Variants in CLEC12A observed in about 807,000 individuals in gnomAD.
CLEC12A encodes C-type lectin domain family 12 member A.
Under a neutral mutation model 26.5 loss-of-function variants are expected in CLEC12A, and 22 were observed. That is an observed-to-expected ratio of 0.83 (90% confidence interval 0.59 to 1.19). The LOEUF is 1.19. Among genes scored for constraint, CLEC12A ranks in the 50% most tolerant of loss-of-function variants. The pLI, the probability that CLEC12A is intolerant of heterozygous loss-of-function variation, is 0.00. For missense variants in CLEC12A, 353 were observed against 315.6 expected (o/e 1.12, Z -0.90); for synonymous variants, 119 against 101.9 (o/e 1.17, Z -1.01).
chr12:9,986,058 A>G, downstream of CLEC12A: 1 of 445,394 alleles, frequency 2.2e-6, no homozygotes, highest in Admixed American at 2.4e-5. Flanking sequence ...TAGTTTGTGC[A>G]GCAGAGCATT....
chr12:9,998,952 A>G (rs1865119316), downstream of CLEC12A: 3 of 788,964 alleles, frequency 3.8e-6, no homozygotes, highest in South Asian at 3.4e-5. Flanking sequence ...TAAACTATAT[A>G]TATTATCAAT....
At chr12:9,990,082 T>C (rs147052400), downstream of CLEC12A, among the ~76,000 whole-genome samples, 62 of 152,150 alleles carry the variant, frequency 4.1e-4, no homozygotes, top group African/African-American at 1.4e-3. Context: ...TCATTGACAA[T>C]GCACCTAGTC....
At chr12:9,979,141 A>G in intron 2 of CLEC12A, 77 bp downstream of exon 2, 1 of 1,245,186 alleles carries the variant, frequency 8.0e-7, no homozygotes, top group Non-Finnish European at 1.2e-6. Context: ...TTATTCCTTC[A>G]GTGGAAGATT....
chr12:9,951,588 T>G (rs1863610225), intron 1 of CLEC12A: 1 of 528,678 alleles, frequency 1.9e-6, no homozygotes, highest in African/African-American at 1.9e-5. Flanking sequence ...ATTTGAGAAA[T>G]TCCGAAGGAA....
chr12:9,996,404 C>T (rs1435554479), downstream of CLEC12A, among the ~76,000 whole-genome samples: 1 of 152,184 alleles, frequency 6.6e-6, no homozygotes, highest in East Asian at 1.9e-4. Context: ...TCGAATTAAT[C>T]TCTATATAAT....
intron 4 of CLEC12A, 134 bp downstream of exon 4, chr12:9,980,867 C>T (rs1864531971): frequency 1.2e-6 from 1 of 843,456 alleles, no homozygotes. Context: ...GTACACTTAT[C>T]TCAAGATATC....
At chr12:9,996,729 A>T (rs770265124), downstream of CLEC12A, 13 of 1,004,226 alleles carry the variant, frequency 1.3e-5, no homozygotes, top group Non-Finnish European at 1.9e-5. Flanking sequence ...CAAGGGTCTT[A>T]GATTAGTACA....
intron 1 of CLEC12A, among the ~76,000 whole-genome samples, chr12:9,978,379 T>C (rs995901394): frequency 9.1e-4 from 137 of 150,958 alleles, no homozygotes; most frequent in African/African-American, 3.3e-3. Flanking sequence ...GAAAATTTTT[T>C]TGAAAAATTG....
At chr12:9,954,135 G>C (rs565666301) in intron 1 of CLEC12A, among the ~76,000 whole-genome samples, 1 of 140,128 alleles carries the variant, frequency 7.1e-6, no homozygotes, top group East Asian at 2.1e-4. Context: ...TTTATCTGCT[G>C]ACCTTCCCTC....
Position 9,971,694 on chromosome 12 carries a change from T to C in CLEC12A, c.91+7T>C. On this transcript the variant is annotated splice_region_variant and intron_variant, in intron 1 of 5. Transcript: ENST00000304361. ...GGCAAATTTGGGGAAAAAGGTAAGA[T>C]TTTGAGTTATGGATGTGTTGTAAGT... 6.2e-7 allele frequency: 1 copy of C among 1,607,598 alleles called. No homozygotes were observed. The highest frequency in any genetic ancestry group is 1.3e-5 in the African/African-American group (1 of 74,808).
upstream of CLEC12A, among the ~76,000 whole-genome samples, chr12:9,966,489 G>A (rs1031135560): frequency 6.6e-5 from 10 of 152,140 alleles, no homozygotes; most frequent in East Asian, 1.2e-3. Context: ...CTTGGGCTGC[G>A]GGCATTCTCT....
intron 1 of CLEC12A, among the ~76,000 whole-genome samples, chr12:9,960,779 T>G (rs562955673): frequency 2.2e-4 from 33 of 152,350 alleles, no homozygotes; most frequent in South Asian, 4.1e-4. Flanking sequence ...CTGAGTTTCT[T>G]GCTTAGAAAA....
chr12:9,973,387 G>C (rs1864205623), intron 1 of CLEC12A, among the ~76,000 whole-genome samples: 1 of 152,114 alleles, frequency 6.6e-6, no homozygotes, highest in Non-Finnish European at 1.5e-5. Context: ...CCAGGAGTTG[G>C]AGGCTCTAGT....
At chr12:9,989,626 C>G (rs904113001), downstream of CLEC12A, among the ~76,000 whole-genome samples, 1 of 152,170 alleles carries the variant, frequency 6.6e-6, no homozygotes, top group Admixed American at 6.5e-5. Flanking sequence ...AGGAAAGAAG[C>G]CTTCTCTCTA....
downstream of CLEC12A, among the ~76,000 whole-genome samples, chr12:9,989,752 G>A (rs1486384883): frequency 6.6e-6 from 1 of 152,210 alleles, no homozygotes; most frequent in African/African-American, 2.4e-5. Flanking sequence ...GTATTGGAAA[G>A]ACATGTCATC....
intron 1 of CLEC12A, among the ~76,000 whole-genome samples, chr12:9,954,173 C>A (rs1863700892): frequency 7.1e-6 from 1 of 141,666 alleles, no homozygotes; most frequent in African/African-American, 2.6e-5. Flanking sequence ...CCTGCCAAAT[C>A]CCCTCTGTGA....
intron 1 of CLEC12A, among the ~76,000 whole-genome samples, chr12:9,965,963 G>A (rs1303701470): frequency 6.6e-6 from 1 of 152,072 alleles, no homozygotes. Context: ...GCTTTGACCT[G>A]GGGGAAAAGG....
intron 1 of CLEC12A, among the ~76,000 whole-genome samples, chr12:9,961,877 T>A (rs1535652): frequency 0.28 from 42,588 of 151,906 alleles, 6,142 homozygotes; most frequent in East Asian, 0.45. Context: ...CCTAGGATGG[T>A]GACTGACTCT....
chr12:9,956,222 C>T (rs1056233928), intron 1 of CLEC12A, among the ~76,000 whole-genome samples: 5 of 152,200 alleles, frequency 3.3e-5, no homozygotes, highest in African/African-American at 7.2e-5. Context: ...GTTACTGGAT[C>T]CTTTCTACCC....
Sources: gnomAD v4.1 joint callset for allele counts (sites outside exome capture counted in the v4.1 genomes callset) on GRCh38, gnomAD v4.1.1 for gene constraint, MANE v1.5 for transcripts, NCBI Gene and HGNC (gene_info 2026-07-23, HGNC 2026-07-21) for gene names.